The following SOAT1 variants were observed in gnomAD, a reference collection of about 807,000 sequenced individuals.
SOAT1 encodes acyl-coenzyme A:cholesterol acyltransferase 1.
Under a neutral mutation model 69.5 loss-of-function variants are expected in SOAT1, and 55 were observed. That is an observed-to-expected ratio of 0.79 (90% CI 0.64 to 0.99). The LOEUF (loss-of-function observed/expected upper bound fraction) is 0.99. Ranked by LOEUF, SOAT1 falls within the 50% of genes least tolerant of loss-of-function variation. The probability of loss-of-function intolerance (pLI) is 0.00; values close to 1 mark genes in which losing one functional copy is unlikely to be tolerated. For synonymous variants in SOAT1, 231 were observed against 224.7 expected, an observed-to-expected ratio of 1.03 and a Z score of -0.25; for missense variants, 580 against 669.3, an observed-to-expected ratio of 0.87 and a Z score of 1.47.
At chr1:179,329,037 C>T (rs1176386675) in intron 3 of SOAT1, among the ~76,000 whole-genome samples, 7 of 107,672 alleles carry the variant, frequency 6.5e-5, no homozygotes, top group African/African-American at 1.9e-4. Flanking sequence ...TAGAGCCAGA[C>T]TTTGTCTTCA....
At chr1:179,315,287 A>T (rs1041280326) in intron 2 of SOAT1, among the ~76,000 whole-genome samples, 5 of 151,982 alleles carry the variant, frequency 3.3e-5, no homozygotes, top group African/African-American at 4.8e-5. Flanking sequence ...TTTACAAAAA[A>T]ATTTTTTTTA....
Position 179,346,425 on chromosome 1 carries a change from T to C in SOAT1, c.1118-1175T>C, listed in dbSNP as rs906130977. Among the ~76,000 whole-genome samples the C allele has an allele frequency of 2.6e-5, 4 of 152,212 alleles. No individual in the cohort carries two copies. In the East Asian group the frequency reaches 7.7e-4, roughly 29 times the overall value. Reference sequence around the variant, plus strand: ...ATAAACAAAATGCTTATGGCCTTTGTTTCACATTAGAGATAACATTTAATA... The same window carrying C: ...ATAAACAAAATGCTTATGGCCTTTGCTTCACATTAGAGATAACATTTAATA... On this transcript the variant is annotated intron_variant, in intron 11 of 15. Coordinates refer to ENST00000367619, the MANE Select transcript of SOAT1 (RefSeq NM_003101.6).
chr1:179,312,712 C>T (rs1333836432), intron 2 of SOAT1, among the ~76,000 whole-genome samples: 1 of 152,170 alleles, frequency 6.6e-6, no homozygotes, highest in Non-Finnish European at 1.5e-5. Flanking sequence ...AACTAAGGTT[C>T]TCTCCCTGGT....
chr1:179,341,375 C>A, intron 7 of SOAT1, 65 bp downstream of exon 7: 2 of 1,396,846 alleles, frequency 1.4e-6, no homozygotes, highest in African/African-American at 1.4e-5. Context: ...ATGATGATGA[C>A]ATACTGATAC....
intron 3 of SOAT1, among the ~76,000 whole-genome samples, chr1:179,324,878 CT>C (rs1665725835): frequency 6.6e-6 from 1 of 152,176 alleles, no homozygotes; most frequent in African/African-American, 2.4e-5. Flanking sequence ...TCTCGGCTCA[CT>C]GCAACCTCCG....
chr1:179,295,974 T>G, intron 1 of SOAT1, among the ~76,000 whole-genome samples: 1 of 23,100 alleles, frequency 4.3e-5, no homozygotes, highest in Admixed American at 6.1e-4. Context: ...TAATTTTTTT[T>G]TTTTTTTTTT....
chr1:179,340,012 T>C (rs1247942265), intron 6 of SOAT1, among the ~76,000 whole-genome samples: 3 of 152,182 alleles, frequency 2.0e-5, no homozygotes, highest in South Asian at 2.1e-4. Context: ...CGGGGCCAAC[T>C]GTGGGCCTCG....
chr1:179,338,323 A>T (rs775939474), intron 5 of SOAT1, among the ~76,000 whole-genome samples: 47 of 152,170 alleles, frequency 3.1e-4, no homozygotes, highest in Non-Finnish European at 6.5e-4. Flanking sequence ...GGAAGGGTGG[A>T]GGTTGCCATG....
chr1:179,351,953 CATG>C (rs2125006501), intron 15 of SOAT1, among the ~76,000 whole-genome samples: 1 of 151,986 alleles, frequency 6.6e-6, no homozygotes, highest in East Asian at 1.9e-4. Flanking sequence ...CTCCTGACCT[CATG>C]ATCCGCCCAC....
In SOAT1 at chr1:179,330,323, G is replaced by A. The variant is rs541788909; in HGVS notation, c.178-5183G>A. ...GGTTTAGGGGGCAAGCTGGTCAGTC[G>A]CCAGAATTCAAAGATCAGAAAAACA... On this transcript the variant is annotated intron_variant, in intron 3 of 15. Coordinates refer to ENST00000367619, the MANE Select transcript of SOAT1 (RefSeq NM_003101.6). 1.2e-4 allele frequency among the ~76,000 whole-genome samples: 19 copies of A among 152,236 alleles called. No homozygotes were observed. The East Asian group carries it at 3.3e-3, about 26-fold the overall frequency.
chr1:179,293,965 C>T (rs1373665029), intron 1 of SOAT1, 29 bp downstream of exon 1: 1 of 152,358 alleles, frequency 6.6e-6, no homozygotes, highest in East Asian at 1.9e-4. Context: ...CGCCTCTCCT[C>T]GCTTCCCGCT....
intron 4 of SOAT1, 97 bp downstream of exon 4, chr1:179,335,754 G>T (rs753129429): frequency 1.7e-6 from 2 of 1,196,118 alleles, no homozygotes; most frequent in Non-Finnish European, 2.3e-6. Flanking sequence ...TCACACCCTG[G>T]TGTCACTTTC....
At chr1:179,310,327 T>C (rs1665181787) in intron 2 of SOAT1, among the ~76,000 whole-genome samples, 1 of 152,032 alleles carries the variant, frequency 6.6e-6, no homozygotes, top group Admixed American at 6.6e-5. Flanking sequence ...ATGAAATTTA[T>C]TTTTGAGTGA....
intron 2 of SOAT1, among the ~76,000 whole-genome samples, chr1:179,303,132 C>G (rs1181074013): frequency 6.6e-6 from 1 of 152,130 alleles, no homozygotes; most frequent in East Asian, 1.9e-4. Flanking sequence ...AAGTGAATGA[C>G]AAAACCTCCA....
At chr1:179,322,886 G>T (rs1665651202) in intron 2 of SOAT1, among the ~76,000 whole-genome samples, 1 of 152,090 alleles carries the variant, frequency 6.6e-6, no homozygotes, top group South Asian at 2.1e-4. Context: ...TTTTGGGCAG[G>T]CCCTAGACTT....
At chr1:179,340,843 T>TA (rs1273578367) in intron 6 of SOAT1, among the ~76,000 whole-genome samples, 185 bp from the exon 7 acceptor site, 7 of 143,698 alleles carry the variant, frequency 4.9e-5, no homozygotes, top group South Asian at 2.3e-4. Flanking sequence ...ATATATATAT[T>TA]GTAAAGCAGA....
chr1:179,329,448 G>T (rs185194381), intron 3 of SOAT1, among the ~76,000 whole-genome samples: 15 of 152,096 alleles, frequency 9.9e-5, no homozygotes, highest in African/African-American at 2.9e-4. Context: ...TTTTTGGTCC[G>T]GTCATGGTAG....
intron 15 of SOAT1, 66 bp from the exon 16 acceptor site, chr1:179,353,519 C>G (rs1264546845): frequency 7.4e-7 from 1 of 1,356,740 alleles, no homozygotes; most frequent in Non-Finnish European, 1.1e-6. Context: ...ACATCCCTGC[C>G]TATCTCCACA....
chr1:179,317,745 G>C (rs1665446751), intron 2 of SOAT1, among the ~76,000 whole-genome samples: 1 of 146,570 alleles, frequency 6.8e-6, no homozygotes, highest in Non-Finnish European at 1.5e-5. Flanking sequence ...ATCTGTGTAG[G>C]TCTGTGCACA....
Sources: gnomAD v4.1 joint callset for allele counts (sites outside exome capture counted in the v4.1 genomes callset) on GRCh38, gnomAD v4.1.1 for gene constraint, MANE v1.5 for transcripts, NCBI Gene and HGNC (gene_info 2026-07-23, HGNC 2026-07-21) for gene names.